The following RESF1 variants were observed in gnomAD, a reference collection of about 807,000 sequenced individuals.
RESF1 encodes gonad expressed transcript.
RESF1 carries 65 observed loss-of-function variants against 134.7 expected under a neutral mutation model. The observed-to-expected ratio is 0.48, with a 90% CI of 0.40 to 0.59. The LOEUF (loss-of-function observed/expected upper bound fraction) is 0.59, where lower values mean the gene tolerates loss of function less well. Ranked by LOEUF, RESF1 falls within the 20% of genes least tolerant of loss-of-function variation. RESF1 has a pLI of 0.00. For synonymous variants in RESF1, 762 were observed against 702.2 expected, an observed-to-expected ratio of 1.09 and a Z score of -1.35; for missense variants, 2,274 against 2,002.7, an observed-to-expected ratio of 1.14 and a Z score of -2.59.
In RESF1 at chr12:31,982,425, G is replaced by A; in HGVS notation, c.1470G>A (p.Gln490=). The stretch of plus-strand genomic sequence containing the variant: ...AATGTATGTTGAATTCTGACATTCA[G>A]GAAGTCAATTGCAGAAGGTTTAACC... ...KTQCMLNSDI[Q]EVNCRRFNQV... is the part of the protein sequence containing the mutation. Residue 490 remains glutamine, a synonymous_variant, in exon 4 of 6, where the codon CAG becomes CAA. Coordinates refer to ENST00000312561, the MANE Select transcript of RESF1 (RefSeq NM_018169.4). 1 of 1,614,040 alleles carries A rather than the reference G, an allele frequency of 6.2e-7. No homozygotes were observed. Among genetic ancestry groups the A allele is most frequent in the Non-Finnish European group, 8.5e-7 (1 of 1,180,022 alleles).
At chr12:31,974,988 A>G (rs555010120) in intron 3 of RESF1, among the ~76,000 whole-genome samples, 1 of 151,604 alleles carries the variant, frequency 6.6e-6, no homozygotes, top group Admixed American at 6.6e-5. Context: ...TTTAAAGAAA[A>G]TTGAGGTCAG....
intron 4 of RESF1, among the ~76,000 whole-genome samples, chr12:31,986,881 T>C (rs1271975109): frequency 2.6e-5 from 4 of 152,192 alleles, no homozygotes; most frequent in Admixed American, 2.6e-4. Flanking sequence ...GTGATTTCAA[T>C]AGGTTCTTTC....
Position 31,984,844 on chromosome 12 carries a change from T to TTGAGGTTTCACGAGG in RESF1, c.3891_3905dup (p.Arg1298_Val1302dup). 6.2e-7 allele frequency: 1 copy of TTGAGGTTTCACGAGG among 1,601,956 alleles called. No homozygotes were observed. Among genetic ancestry groups the TTGAGGTTTCACGAGG allele is most frequent in the Non-Finnish European group, 8.5e-7 (1 of 1,177,186 alleles). ...CTTGCAAAATCACAAAAGAAAAAAA[T>TTGAGGTTTCACGAGG]TGAGGTTTCACGAGGTAACCTTTCA... is the stretch of plus-strand genomic sequence containing the variant. On this transcript the variant is annotated inframe_insertion, in exon 4 of 6. Transcript: ENST00000312561.
At chr12:31,989,918 T>C (rs956595278) in intron 5 of RESF1, among the ~76,000 whole-genome samples, 1 of 151,906 alleles carries the variant, frequency 6.6e-6, no homozygotes, top group Non-Finnish European at 1.5e-5. Flanking sequence ...AGAAATATAC[T>C]CTTAATCAGA....
intron 2 of RESF1, among the ~76,000 whole-genome samples, chr12:31,965,640 A>G (rs962929223): frequency 9.2e-5 from 14 of 152,150 alleles, no homozygotes; most frequent in Non-Finnish European, 1.6e-4. Flanking sequence ...CATTTTGTCT[A>G]TCTCCAGTGG....
Position 31,985,207 on chromosome 12 carries a change from G to C in RESF1, c.4252G>C (p.Ala1418Pro), listed in dbSNP as rs1939936554. ...GDSLSNPNER[A>P]IVKEKMVSNT... The stretch of plus-strand genomic sequence containing the variant: ...CTCTTTGTCAAACCCAAACGAAAGA[G>C]CCATTGTTAAAGAAAAGATGGTATC... The change falls in exon 4 of 6, where the codon GCC becomes CCC. Residue 1418 changes from alanine to proline, a missense_variant. Coordinates refer to ENST00000312561, the MANE Select transcript of RESF1 (RefSeq NM_018169.4). The C allele has an allele frequency of 6.3e-7, 1 of 1,583,254 alleles. No individual in the cohort carries two copies. Among genetic ancestry groups the C allele is most frequent in the Admixed American group, 2.0e-5 (1 of 50,728 alleles).
Position 31,984,784 on chromosome 12 carries a change from G to C in RESF1, c.3829G>C (p.Gly1277Arg), listed in dbSNP as rs200931841. ...LPRTEQELVA[G>R]QFSSKCDKLN... ...AAGGACAGAACAAGAATTAGTTGCT[G>C]GTCAGTTTTCATCTAAATGTGATAA... Residue 1277 changes from glycine to arginine, a missense_variant, in exon 4 of 6, where the codon GGT becomes CGT. Transcript: ENST00000312561. 3 of 1,611,670 alleles carry C rather than the reference G, an allele frequency of 1.9e-6. No individual in the cohort carries two copies. Among genetic ancestry groups the C allele is most frequent in the East Asian group, 4.5e-5 (2 of 44,856 alleles).
intron 2 of RESF1, among the ~76,000 whole-genome samples, chr12:31,967,353 A>C (rs1026837434): frequency 1.3e-5 from 2 of 152,240 alleles, no homozygotes; most frequent in African/African-American, 2.4e-5. Flanking sequence ...ATGAGATAAA[A>C]GTATATGAAG....
intron 3 of RESF1, among the ~76,000 whole-genome samples, chr12:31,972,218 A>G (rs1161927031): frequency 6.6e-6 from 1 of 152,134 alleles, no homozygotes; most frequent in East Asian, 1.9e-4. Flanking sequence ...TAACACGACA[A>G]ACCAAAGGAG....
rs930992122 is a variant in RESF1 at position 31,983,659 on chromosome 12, G to T, written c.2704G>T (p.Asp902Tyr). The change falls in exon 4 of 6, where the codon GAT (aspartate) becomes TAT (tyrosine). Residue 902 changes from aspartate to tyrosine, a missense_variant. Coordinates refer to ENST00000312561, the MANE Select transcript of RESF1 (RefSeq NM_018169.4). ...CAATATTTGTTCTCTGGTTGAAGGTGATACCTCTTACAATTCCCAAATAGC... is the reference window on the plus strand; with the variant it reads ...CAATATTTGTTCTCTGGTTGAAGGTTATACCTCTTACAATTCCCAAATAGC... ...IDNICSLVEG[D>Y]TSYNSQIAKI... is the part of the protein sequence containing the mutation. 1.2e-6 allele frequency: 2 copies of T among 1,614,010 alleles called. No individual in the cohort carries two copies. Among genetic ancestry groups the T allele is most frequent in the East Asian group, 4.5e-5 (2 of 44,868 alleles).
chr12:31,962,220 TA>T (rs33954876), intron 2 of RESF1, among the ~76,000 whole-genome samples: 797 of 132,608 alleles, frequency 6.0e-3, no homozygotes, highest in Non-Finnish European at 7.6e-3. Flanking sequence ...TCTGTCTTTT[TA>T]AAAAAAAAAA....
chr12:31,988,407 A>G (rs1940020457), intron 5 of RESF1, among the ~76,000 whole-genome samples: 1 of 152,340 alleles, frequency 6.6e-6, no homozygotes, highest in South Asian at 2.1e-4. Flanking sequence ...TTTACATAGC[A>G]TTTACATTGT....
chr12:31,963,961 C>CTT (rs1424702770), intron 2 of RESF1, among the ~76,000 whole-genome samples: 1 of 152,194 alleles, frequency 6.6e-6, no homozygotes. Context: ...CGTTTTCACT[C>CTT]TTTGACTACT....
Position 31,983,239 on chromosome 12 carries a change from G to A in RESF1, c.2284G>A (p.Val762Ile). 1.2e-6 allele frequency: 2 copies of A among 1,611,338 alleles called. No homozygotes were observed. The highest frequency in any genetic ancestry group is 1.7e-6 in the Non-Finnish European group (2 of 1,178,688). The change falls in exon 4 of 6, where the codon GTA (valine) becomes ATA (isoleucine). Residue 762 changes from valine to isoleucine, a missense_variant. By Grantham distance (29) the Val-to-Ile change is conservative. Coordinates refer to ENST00000312561, the MANE Select transcript of RESF1 (RefSeq NM_018169.4). The stretch of plus-strand genomic sequence containing the variant: ...AAAGGGAACAGAACTTCAGATAGCT[G>A]TAGTGTCACCGTTAGTTCTGTCAGA... The part of the protein sequence containing the change: ...ITKGTELQIA[V>I]VSPLVLSEVK...
intron 4 of RESF1, among the ~76,000 whole-genome samples, chr12:31,986,653 T>C (rs1939977044): frequency 6.6e-6 from 1 of 152,212 alleles, no homozygotes; most frequent in Non-Finnish European, 1.5e-5. Context: ...AATTGATAAC[T>C]AGTTGTTCAT....
rs557281075 is a variant in RESF1, at chr12:31,970,338, C to G, written c.-97C>G. 6.6e-6 allele frequency: 1 copy of G among 152,328 alleles called. No individual in the cohort carries two copies. The highest frequency in any genetic ancestry group is 1.5e-5 in the Non-Finnish European group (1 of 68,022). 9.4% of individuals were successfully genotyped at this position (152,328 alleles called of 1,614,324 possible). On this transcript the variant is annotated 5_prime_UTR_variant, in exon 3 of 6. Coordinates refer to ENST00000312561, the MANE Select transcript of RESF1 (RefSeq NM_018169.4). The stretch of plus-strand genomic sequence containing the variant: ...AGAAGTCTACTAATGGACAGTTAGT[C>G]ACCCACCTACATGTTGAGGTACTCT...
chr12:31,978,921 A>ATT (rs368667477), intron 3 of RESF1, among the ~76,000 whole-genome samples: 13,222 of 128,996 alleles, frequency 0.1, 945 homozygotes, highest in East Asian at 0.22. Context: ...TGATCTCATG[A>ATT]TTTTTTTTTT....
chr12:31,983,838 G>A lies in RESF1; in HGVS notation c.2883G>A (p.Gln961=), dbSNP rs1288973588. ...DFGFQKDKPV[Q]CTDVSHKICD... is the part of the protein sequence containing the mutation. ...GTTTTCAAAAAGATAAACCTGTACA[G>A]TGCACAGATGTTTCACATAAAATAT... is the stretch of plus-strand genomic sequence containing the variant. Residue 961 remains glutamine, a synonymous_variant, in exon 4 of 6, where the codon CAG becomes CAA. Coordinates refer to ENST00000312561, the MANE Select transcript of RESF1 (RefSeq NM_018169.4). 1 of 1,613,254 alleles carries A rather than the reference G, an allele frequency of 6.2e-7. No homozygotes were observed. Among genetic ancestry groups the A allele is most frequent in the East Asian group, 2.2e-5 (1 of 44,882 alleles).
chr12:31,983,873 C>CA lies in RESF1; in HGVS notation c.2921dup (p.Ser975ValfsTer10). 1 of 1,613,594 alleles carries CA rather than the reference C, an allele frequency of 6.2e-7. No individual in the cohort carries two copies. Among genetic ancestry groups the CA allele is most frequent in the Non-Finnish European group, 8.5e-7 (1 of 1,179,998 alleles). On this transcript the variant is annotated frameshift_variant, in exon 4 of 6. Transcript: ENST00000312561. LOFTEE classifies it high-confidence loss of function. Reference sequence around the variant, plus strand: ...GTTTCACATAAAATATGTGATCAGTCAAAGTCAGAGCCACCCTTAGAGTCA... The same window carrying CA: ...GTTTCACATAAAATATGTGATCAGTCAAAAGTCAGAGCCACCCTTAGAGTCA...
Sources: allele counts gnomAD v4.1 joint callset (sites outside exome capture counted in the v4.1 genomes callset), GRCh38; gene constraint gnomAD v4.1.1; transcripts MANE v1.5; gene names NCBI Gene and HGNC (gene_info 2026-07-23, HGNC 2026-07-21).